DRD2: variants seen among roughly 807,000 people sequenced by gnomAD.
The protein encoded by DRD2 is D(2) dopamine receptor.
In DRD2, 8 loss-of-function variants were observed where a neutral mutation model predicts 38.0. The ratio of observed to expected loss-of-function variants is 0.21; its 90% confidence interval spans 0.12 to 0.38. The LOEUF is 0.38. DRD2 is among the 10% of genes least tolerant of loss of function. The pLI, the probability that DRD2 is intolerant of heterozygous loss-of-function variation, is 1.00. For synonymous variants in DRD2, 230 were observed against 238.6 expected, an observed-to-expected ratio of 0.96 and a Z score of 0.33; for missense variants, 403 against 607.7, an observed-to-expected ratio of 0.66 and a Z score of 3.54.
At chr11:113,468,037 T>G (rs1231381348) in intron 1 of DRD2, among the ~76,000 whole-genome samples, 2 of 152,252 alleles carry the variant, frequency 1.3e-5, no homozygotes, top group Non-Finnish European at 2.9e-5. Flanking sequence ...TTAAGCATCT[T>G]AATAATAACA....
At chr11:113,433,273 C>T (rs1051606027) in intron 1 of DRD2, among the ~76,000 whole-genome samples, 3 of 152,054 alleles carry the variant, frequency 2.0e-5, no homozygotes, top group South Asian at 2.1e-4. Context: ...GGTCTGGCCC[C>T]GGTGTCAGCA....
At position 113,418,005 on chromosome 11, in the gene DRD2, C is replaced by T. The variant is rs1218258454; in HGVS notation, c.395+22G>A. ...GAATGGTGAGTGGCCAGAGCAACCT[C>T]TTCCACCCTGGCTGGGCTCACCTGT... is the stretch of plus-strand genomic sequence containing the variant. On this transcript the variant is annotated intron_variant, in intron 3 of 7. Transcript: ENST00000362072. The T allele has an allele frequency of 2.5e-6, 4 of 1,607,362 alleles. No individual in the cohort carries two copies. In the South Asian group the frequency reaches 3.3e-5, roughly 13 times the overall value.
At chr11:113,435,500 A>C (rs1456465299) in intron 1 of DRD2, among the ~76,000 whole-genome samples, 1 of 152,002 alleles carries the variant, frequency 6.6e-6, no homozygotes, top group African/African-American at 2.4e-5. Flanking sequence ...GGTGGGTGGG[A>C]GGCAGGTGGA....
rs960145145 is a variant in DRD2, at chr11:113,421,742, G to A, written c.285+2625C>T. On this transcript the variant is annotated intron_variant, in intron 2 of 7. Coordinates refer to ENST00000362072, the MANE Select transcript of DRD2 (RefSeq NM_000795.4). ...ATGTATTAGAGAGGGGACAGTGCGT[G>A]GTTGTGAGGGTGCGCTGATAGGACA... Among the ~76,000 whole-genome samples, 4 of 152,328 alleles carry A rather than the reference G, an allele frequency of 2.6e-5. No individual in the cohort carries two copies. In the East Asian group the frequency reaches 7.7e-4, roughly 29 times the overall value.
intron 6 of DRD2, 24 bp from the exon 7 acceptor site, chr11:113,412,907 G>C (rs1950784024): frequency 1.2e-6 from 2 of 1,601,440 alleles, no homozygotes; most frequent in East Asian, 4.5e-5. Flanking sequence ...AGAGGGCTCT[G>C]GGTAAAGCCG....
chr11:113,449,067 A>G (rs533505417), intron 1 of DRD2, among the ~76,000 whole-genome samples: 4 of 152,274 alleles, frequency 2.6e-5, no homozygotes, highest in African/African-American at 9.6e-5. Context: ...TGATCTTCCC[A>G]CATTACCTGC....
chr11:113,431,728 G>A (rs1423106009), intron 1 of DRD2, among the ~76,000 whole-genome samples: 1 of 152,186 alleles, frequency 6.6e-6, no homozygotes, highest in Non-Finnish European at 1.5e-5. Context: ...AGAAATATTA[G>A]GTCAGTTGGG....
intron 2 of DRD2, among the ~76,000 whole-genome samples, chr11:113,422,566 G>A (rs1950896124): frequency 6.6e-6 from 1 of 152,152 alleles, no homozygotes; most frequent in South Asian, 2.1e-4. Context: ...GGATCCAGGG[G>A]GAATTGGACT....
At position 113,415,402 on chromosome 11, in the gene DRD2, T is replaced by C; in HGVS notation, c.723+19A>G. On this transcript the variant is annotated intron_variant, in intron 5 of 7. Coordinates refer to ENST00000362072, the MANE Select transcript of DRD2 (RefSeq NM_000795.4). ...GTTAGGTGGGGACCCTTGGAGTTGG[T>C]TGGGGGGTGTCTTGAGACCTTTAGT... The C allele has an allele frequency of 6.2e-7, 1 of 1,602,654 alleles. No individual in the cohort carries two copies. Among genetic ancestry groups the C allele is most frequent in the Admixed American group, 1.7e-5 (1 of 59,504 alleles).
intron 1 of DRD2, among the ~76,000 whole-genome samples, chr11:113,444,326 A>G (rs4379875): frequency 0.93 from 141,114 of 152,268 alleles, 66,349 homozygotes; most frequent in East Asian, 1. Context: ...CATGAGCCAC[A>G]CCCAGCTGGT....
At chr11:113,440,537 TGAC>T (rs1390292509) in intron 1 of DRD2, among the ~76,000 whole-genome samples, 2 of 152,178 alleles carry the variant, frequency 1.3e-5, no homozygotes, top group African/African-American at 4.8e-5. Context: ...CTCAGCAGCT[TGAC>T]ATGGGCCATG....
chr11:113,413,185 C>A, intron 6 of DRD2: 1 of 625,070 alleles, frequency 1.6e-6, no homozygotes, highest in Non-Finnish European at 3.0e-6. Flanking sequence ...TTACTGTTAG[C>A]AAAGTGCCAG....
intron 1 of DRD2, among the ~76,000 whole-genome samples, chr11:113,457,959 A>T (rs7948028): frequency 6.6e-6 from 1 of 152,222 alleles, no homozygotes; most frequent in Non-Finnish European, 1.5e-5. Context: ...ACAGCAGGCC[A>T]GCAGCAGCCT....
chr11:113,410,799 G>A lies in DRD2; in HGVS notation c.1260C>T (p.Ala420=), dbSNP rs200440686. 5.9e-5 allele frequency: 95 copies of A among 1,612,576 alleles called. No homozygotes were observed. The highest frequency in any genetic ancestry group is 3.4e-4 in the South Asian group (31 of 90,966). Reference sequence around the variant, plus strand: ...AGGTGGTGTAGATGATGGGGTTCACGGCGCTGTTGACATAGCCCAGCCACG... The same window carrying A: ...AGGTGGTGTAGATGATGGGGTTCACAGCGCTGTTGACATAGCCCAGCCACG... The part of the protein sequence containing the change: ...AFTWLGYVNS[A]VNPIIYTTFN... Residue 420 remains alanine (A), a synonymous_variant, in exon 8 of 8, where the codon GCC becomes GCT. Transcript: ENST00000362072.
chr11:113,469,409 C>T, intron 1 of DRD2, among the ~76,000 whole-genome samples: 1 of 152,188 alleles, frequency 6.6e-6, no homozygotes, highest in East Asian at 1.9e-4. Context: ...AAAGAATTAT[C>T]TTCTTATCCC....
At chr11:113,415,662 A>G (rs778351726) in intron 4 of DRD2, 51 bp from the exon 5 acceptor site, 29 of 1,561,796 alleles carry the variant, frequency 1.9e-5, no homozygotes, top group South Asian at 1.3e-4. Context: ...CCCACCGGCC[A>G]TAATTCCACA....
intron 1 of DRD2, among the ~76,000 whole-genome samples, chr11:113,462,540 G>A (rs2119967896): frequency 6.6e-6 from 1 of 152,328 alleles, no homozygotes; most frequent in East Asian, 1.9e-4. Flanking sequence ...GGAGCGCCAG[G>A]AGCCATGGGG....
chr11:113,443,891 CTA>C (rs1469471684), intron 1 of DRD2, among the ~76,000 whole-genome samples: 1 of 152,002 alleles, frequency 6.6e-6, no homozygotes, highest in Non-Finnish European at 1.5e-5. Flanking sequence ...AGCGTCTACA[CTA>C]TATCATTTTG....
chr11:113,464,256 C>A (rs1395408504), intron 1 of DRD2, among the ~76,000 whole-genome samples: 1 of 152,148 alleles, frequency 6.6e-6, no homozygotes, highest in African/African-American at 2.4e-5. Flanking sequence ...ATGGCGGCAG[C>A]AGCCCCTCCC....
Sources: allele counts gnomAD v4.1 joint callset (sites outside exome capture counted in the v4.1 genomes callset), GRCh38; gene constraint gnomAD v4.1.1; transcripts MANE v1.5; gene names NCBI Gene and HGNC (gene_info 2026-07-23, HGNC 2026-07-21).